Variants in TRIM56 observed in about 807,000 individuals in gnomAD.
TRIM56 encodes E3 ubiquitin-protein ligase TRIM56.
Under a neutral mutation model 17.1 loss-of-function variants are expected in TRIM56, and 10 were observed. The observed-to-expected ratio is 0.58, with a 90% CI of 0.36 to 0.99. The LOEUF is 0.99. TRIM56 is among the 50% of genes least tolerant of loss of function. The probability of loss-of-function intolerance (pLI) is 0.01; values close to 1 mark genes in which losing one functional copy is unlikely to be tolerated. For synonymous variants in TRIM56, 503 were observed against 473.5 expected, an observed-to-expected ratio of 1.06 and a Z score of -0.81; for missense variants, 923 against 1,052.3, an observed-to-expected ratio of 0.88 and a Z score of 1.70.
chr7:101,091,703 G>C lies in TRIM56; in HGVS notation c.*2123G>C, dbSNP rs908746556. On this transcript the variant is annotated 3_prime_UTR_variant, in exon 3 of 3. Transcript: ENST00000306085. ...GATCGCACCATTGCACTCCAGCCTG[G>C]GTAACAAGAATGAAACTCCATCTCA... is the stretch of plus-strand genomic sequence containing the variant. The C allele has an allele frequency of 4.5e-6, 2 of 448,654 alleles. No individual in the cohort carries two copies. Among genetic ancestry groups the C allele is most frequent in the African/African-American group, 4.1e-5 (2 of 48,888 alleles). The allele number at this position is 448,654 out of a possible 1,614,324, so 27.8% of individuals were successfully genotyped here.
In TRIM56 at chr7:101,087,648, CG is replaced by C. The variant is rs1562836586; in HGVS notation, c.342del (p.Pro115ArgfsTer80). The C allele has an allele frequency of 2.5e-6, 4 of 1,607,656 alleles. No individual in the cohort carries two copies. Among genetic ancestry groups the C allele is most frequent in the African/African-American group, 1.3e-5 (1 of 74,790 alleles). On this transcript the variant is annotated frameshift_variant, in exon 3 of 3. Coordinates refer to ENST00000306085, the MANE Select transcript of TRIM56 (RefSeq NM_030961.3). LOFTEE classifies it low-confidence loss of function (END_TRUNC). The stretch of plus-strand genomic sequence containing the variant: ...GTCCCCTGGTGGGTGGCACCAGCAC[CG>C]GGGGGCCGGCCACGGCCCGGTGCCT... ...LCPLVGGTST[G>X]GPATARCLDC...
chr7:101,094,496 TACTC>T lies in TRIM56; in HGVS notation c.*4918_*4921del, dbSNP rs1335226714. 1 of 152,194 alleles carries T rather than the reference TACTC, an allele frequency of 6.6e-6. No individual in the cohort carries two copies. Among genetic ancestry groups the T allele is most frequent in the Non-Finnish European group, 1.5e-5 (1 of 68,048 alleles). The allele number at this position is 152,194 out of a possible 1,614,324, so 9.4% of individuals were successfully genotyped here. A position where few individuals can be genotyped will look rare whatever the true frequency, so the allele number is the denominator to read the frequency against. ...CAAGGAAATACACCTTTATAAGTAA[TACTC>T]AATAACTACTGGGTTTGAGAATGAA... On this transcript the variant is annotated 3_prime_UTR_variant, in exon 3 of 3. Coordinates refer to ENST00000306085, the MANE Select transcript of TRIM56 (RefSeq NM_030961.3).
Position 101,087,662 on chromosome 7 carries a change from C to T in TRIM56, c.350C>T (p.Thr117Met), listed in dbSNP as rs1411521784. Residue 117 changes from threonine (T) to methionine (M), a missense_variant, in exon 3 of 3, where the codon ACG becomes ATG. Physicochemically the swap from Thr to Met is moderately conservative, Grantham distance 81. Coordinates refer to ENST00000306085, the MANE Select transcript of TRIM56 (RefSeq NM_030961.3). ...GGCACCAGCACCGGGGGGCCGGCCACGGCCCGGTGCCTGGACTGTGCCGAT... is the reference window on the plus strand; with the variant it reads ...GGCACCAGCACCGGGGGGCCGGCCATGGCCCGGTGCCTGGACTGTGCCGAT... ...VGGTSTGGPA[T>M]ARCLDCADDL... 4.4e-6 allele frequency: 7 copies of T among 1,603,144 alleles called. No individual in the cohort carries two copies. Among genetic ancestry groups the T allele is most frequent in the South Asian group, 2.2e-5 (2 of 89,652 alleles).
Position 101,093,217 on chromosome 7 carries a change from C to T in TRIM56, c.*3637C>T, listed in dbSNP as rs1247946806. 5.8e-6 allele frequency: 1 copy of T among 173,432 alleles called. No individual in the cohort carries two copies. The highest frequency in any genetic ancestry group is 1.2e-5 in the Non-Finnish European group (1 of 85,300). 10.7% of individuals were successfully genotyped at this position (173,432 alleles called of 1,614,324 possible). A position where few individuals can be genotyped will look rare whatever the true frequency, so the allele number is the denominator to read the frequency against. On this transcript the variant is annotated 3_prime_UTR_variant, in exon 3 of 3. Coordinates refer to ENST00000306085, the MANE Select transcript of TRIM56 (RefSeq NM_030961.3). Reference sequence around the variant, plus strand: ...ACACTGCGGAAGGCCGCAGGGTCGTCTGCCTAGGAAAACCAGAGACCTTTG... The same window carrying T: ...ACACTGCGGAAGGCCGCAGGGTCGTTTGCCTAGGAAAACCAGAGACCTTTG...
Position 101,087,878 on chromosome 7 carries a change from G to T in TRIM56, c.566G>T (p.Cys189Phe). 6.2e-7 allele frequency: 1 copy of T among 1,606,478 alleles called. No individual in the cohort carries two copies. The change falls in exon 3 of 3, where the codon TGC (cysteine) becomes TTC (phenylalanine). Residue 189 changes from cysteine (C) to phenylalanine (F), a missense_variant. By Grantham distance (205) the Cys-to-Phe change is radical (BLOSUM62 -2). Transcript: ENST00000306085. ...TGCCAGCCCTGCTCACAGTTGCTGT[G>T]CAGAGAGTGCCGCCTAGACCCCCAC... ...FLCQPCSQLL[C>F]RECRLDPHLD...
In TRIM56 at chr7:101,088,050, G is replaced by C; in HGVS notation, c.738G>C (p.Glu246Asp). The C allele has an allele frequency of 6.5e-7, 1 of 1,536,566 alleles. No individual in the cohort carries two copies. Among genetic ancestry groups the C allele is most frequent in the Non-Finnish European group, 8.7e-7 (1 of 1,144,814 alleles). ...VEKEALARLR[E>D]QAARVGTQVE... ...AGGAGGCGCTAGCCCGGCTGCGGGA[G>C]CAGGCGGCCCGGGTGGGGACTCAGG... Residue 246 changes from glutamate to aspartate, a missense_variant, in exon 3 of 3, where the codon GAG becomes GAC. Around this residue, in one of 3 missense-constraint regions of TRIM56, gnomAD observed 643 missense variants for 665.6 expected, o/e 0.97. Transcript: ENST00000306085.
Position 101,087,493 on chromosome 7 carries a change from G to A in TRIM56, c.181G>A (p.Glu61Lys), listed in dbSNP as rs756425998. 5.6e-6 allele frequency: 9 copies of A among 1,613,598 alleles called. 1 individual carries two copies. Among genetic ancestry groups the A allele is most frequent in the East Asian group, 2.2e-5 (1 of 44,868 alleles). Residue 61 changes from glutamate (E) to lysine (K), a missense_variant, in exon 3 of 3, where the codon GAG becomes AAG. Transcript: ENST00000306085. ...GGRVRCPECR[E>K]TVPVPPEGVA... is the part of the protein sequence containing the mutation. The stretch of plus-strand genomic sequence containing the variant: ...CCGCGTCCGCTGCCCCGAGTGCCGC[G>A]AGACAGTGCCTGTGCCGCCCGAGGG...
Position 101,088,728 on chromosome 7 carries a change from G to A in TRIM56, c.1416G>A (p.Arg472=). The A allele has an allele frequency of 6.2e-7, 1 of 1,614,024 alleles. No individual in the cohort carries two copies. The highest frequency in any genetic ancestry group is 8.5e-7 in the Non-Finnish European group (1 of 1,180,002). Residue 472 remains arginine (R), a synonymous_variant, in exon 3 of 3, where the codon CGG becomes CGA. Coordinates refer to ENST00000306085, the MANE Select transcript of TRIM56 (RefSeq NM_030961.3). ...AAGGCAGGCTCAAGTCAATTTCCCG[G>A]GAGCCCAGCCCAGCCCTGGGGCCGA... ...KFKGRLKSIS[R]EPSPALGPNL... is the part of the protein sequence containing the mutation.
Position 101,089,915 on chromosome 7 carries a change from C to T in TRIM56, c.*335C>T, listed in dbSNP as rs1795534382. On this transcript the variant is annotated 3_prime_UTR_variant, in exon 3 of 3. Transcript: ENST00000306085. ...AGGTTTGTGAGCCTGTCCTGCTTTG[C>T]ATTCTTCAAAACCATTCCTGATAGA... is the stretch of plus-strand genomic sequence containing the variant. The T allele has an allele frequency of 3.7e-6, 1 of 270,856 alleles. No individual in the cohort carries two copies. Among genetic ancestry groups the T allele is most frequent in the Admixed American group, 5.0e-5 (1 of 20,008 alleles). The allele number at this position is 270,856 out of a possible 1,614,324, so 16.8% of individuals were successfully genotyped here. A position where few individuals can be genotyped will look rare whatever the true frequency, so the allele number is the denominator to read the frequency against.
chr7:101,086,462 G>T (rs932557414), intron 1 of TRIM56, among the ~76,000 whole-genome samples: 1 of 151,298 alleles, frequency 6.6e-6, no homozygotes, highest in African/African-American at 2.4e-5. Flanking sequence ...TCGGGAGGCT[G>T]AGGCAGGAGA....
Position 101,089,624 on chromosome 7 carries a change from A to G in TRIM56, c.*44A>G, listed in dbSNP as rs1795529388. On this transcript the variant is annotated 3_prime_UTR_variant, in exon 3 of 3. Transcript: ENST00000306085. Reference sequence around the variant, plus strand: ...GAGAGGGAGTGGGGAGGGAGAGGGCAGGAAGGAGGCAGAGCTGTCCGTGGG... The same window carrying G: ...GAGAGGGAGTGGGGAGGGAGAGGGCGGGAAGGAGGCAGAGCTGTCCGTGGG... The G allele has an allele frequency of 6.4e-7, 1 of 1,555,124 alleles. No homozygotes were observed. The highest frequency in any genetic ancestry group is 1.4e-5 in the African/African-American group (1 of 73,882).
Position 101,089,686 on chromosome 7 carries a change from G to A in TRIM56, c.*106G>A. On this transcript the variant is annotated 3_prime_UTR_variant, in exon 3 of 3. Coordinates refer to ENST00000306085, the MANE Select transcript of TRIM56 (RefSeq NM_030961.3). ...GAGGACATTTTCCTGAAGGGCAGGG[G>A]TTGGCAACTTTTCAACATGGAGTGC... is the stretch of plus-strand genomic sequence containing the variant. The A allele has an allele frequency of 8.7e-7, 1 of 1,151,500 alleles. No individual in the cohort carries two copies. Among genetic ancestry groups the A allele is most frequent in the South Asian group, 1.6e-5 (1 of 61,500 alleles). 71.3% of individuals were successfully genotyped at this position (1,151,500 alleles called of 1,614,324 possible).
Position 101,087,459 on chromosome 7 carries a change from G to T in TRIM56, c.147G>T (p.Ala49=), listed in dbSNP as rs749040243. ...GCCAAGACTGCCTGGCACAGCTGGC[G>T]GATGGCGGCCGCGTCCGCTGCCCCG... ...TYCQDCLAQL[A]DGGRVRCPEC... Residue 49 remains alanine (A), a synonymous_variant, in exon 3 of 3, where the codon GCG becomes GCT. Transcript: ENST00000306085. 2 of 1,613,452 alleles carry T rather than the reference G, an allele frequency of 1.2e-6. No homozygotes were observed. The highest frequency in any genetic ancestry group is 1.3e-5 in the African/African-American group (1 of 75,072).
rs1197717971 is a variant in TRIM56 at position 101,096,476 on chromosome 7, C to A, written c.*6896C>A. ...GGTTGAGTGTTGGCTCTGCACTAAACAGCTGTGTGATCTTGGTCTAGTGCC... is the reference window on the plus strand; with the variant it reads ...GGTTGAGTGTTGGCTCTGCACTAAAAAGCTGTGTGATCTTGGTCTAGTGCC... On this transcript the variant is annotated 3_prime_UTR_variant, in exon 3 of 3. Coordinates refer to ENST00000306085, the MANE Select transcript of TRIM56 (RefSeq NM_030961.3). 6.6e-6 allele frequency: 1 copy of A among 152,174 alleles called. No individual in the cohort carries two copies. Among genetic ancestry groups the A allele is most frequent in the Non-Finnish European group, 1.5e-5 (1 of 68,052 alleles). 9.4% of individuals were successfully genotyped at this position (152,174 alleles called of 1,614,324 possible).
In TRIM56 at chr7:101,097,691, A is replaced by G. The variant is rs1428520461; in HGVS notation, c.*8111A>G. On this transcript the variant is annotated 3_prime_UTR_variant, in exon 3 of 3. Transcript: ENST00000306085. ...GGCAGCCTGACTTGTCTCCAGAGAA[A>G]GTTAGAACTGGTTGACTTAGCAACC... 1 of 152,106 alleles carries G rather than the reference A, an allele frequency of 6.6e-6. No individual in the cohort carries two copies. The highest frequency in any genetic ancestry group is 1.5e-5 in the Non-Finnish European group (1 of 68,034). 9.4% of individuals were successfully genotyped at this position (152,106 alleles called of 1,614,324 possible).
rs1449723759 is a variant in TRIM56, at chr7:101,088,519, G to A, written c.1207G>A (p.Glu403Lys). ...QSRREDEPKT[E>K]RQGGVQPQAG... is the part of the protein sequence containing the mutation. ...CCGGAGGGAGGATGAGCCGAAGACT[G>A]AGAGACAGGGTGGAGTCCAGCCCCA... Residue 403 changes from glutamate (E) to lysine (K), a missense_variant, in exon 3 of 3, where the codon GAG becomes AAG. Physicochemically the swap from Glu to Lys is moderately conservative, Grantham distance 56. Coordinates refer to ENST00000306085, the MANE Select transcript of TRIM56 (RefSeq NM_030961.3). The A allele has an allele frequency of 4.3e-6, 7 of 1,613,830 alleles. No individual in the cohort carries two copies. In the Admixed American group the frequency reaches 5.0e-5, roughly 12 times the overall value.
In TRIM56 at chr7:101,097,278, T is replaced by C. The variant is rs931195672; in HGVS notation, c.*7698T>C. ...CAGAGAACTAGGGCTATCCCATAAA[T>C]TAAGTGGGAGATTGGAAAGGGGTGC... is the stretch of plus-strand genomic sequence containing the variant. On this transcript the variant is annotated 3_prime_UTR_variant, in exon 3 of 3. Coordinates refer to ENST00000306085, the MANE Select transcript of TRIM56 (RefSeq NM_030961.3). 3 of 152,000 alleles carry C rather than the reference T, an allele frequency of 2.0e-5. No individual in the cohort carries two copies. Among genetic ancestry groups the C allele is most frequent in the Non-Finnish European group, 2.9e-5 (2 of 68,038 alleles). The allele number at this position is 152,000 out of a possible 1,614,324, so 9.4% of individuals were successfully genotyped here.
Position 101,087,940 on chromosome 7 carries a change from C to G in TRIM56, c.628C>G (p.Arg210Gly). 6.3e-7 allele frequency: 1 copy of G among 1,599,788 alleles called. No homozygotes were observed. ...CTGCCTGCCTCTGGCTGAAGCTGTG[C>G]GTGCCCGGAGGCCGGGCCTGGAGGG... ...HPCLPLAEAV[R>G]ARRPGLEGLL... The change falls in exon 3 of 3, where the codon CGT (arginine) becomes GGT (glycine). Residue 210 changes from arginine to glycine, a missense_variant. Physicochemically the swap from Arg to Gly is moderately radical, Grantham distance 125 (BLOSUM62 -2). Transcript: ENST00000306085.
Position 101,087,880 on chromosome 7 carries a change from A to G in TRIM56, c.568A>G (p.Arg190Gly). ...LCQPCSQLLC[R>G]ECRLDPHLDH... Reference sequence around the variant, plus strand: ...CCAGCCCTGCTCACAGTTGCTGTGCAGAGAGTGCCGCCTAGACCCCCACCT... The same window carrying G: ...CCAGCCCTGCTCACAGTTGCTGTGCGGAGAGTGCCGCCTAGACCCCCACCT... Residue 190 changes from arginine to glycine, a missense_variant, in exon 3 of 3, where the codon AGA becomes GGA. Arg to Gly is a moderately radical substitution (Grantham distance 125, BLOSUM62 -2). Around this residue, in one of 3 missense-constraint regions of TRIM56, gnomAD observed 643 missense variants for 665.6 expected, o/e 0.97. Transcript: ENST00000306085. 6.2e-7 allele frequency: 1 copy of G among 1,606,498 alleles called. No individual in the cohort carries two copies. Among genetic ancestry groups the G allele is most frequent in the African/African-American group, 1.3e-5 (1 of 74,972 alleles).
Sources: gnomAD v4.1 joint callset for allele counts (sites outside exome capture counted in the v4.1 genomes callset) on GRCh38, gnomAD v4.1.1 for gene constraint, gnomAD v4.1.1 regional missense constraint, MANE v1.5 for transcripts, NCBI Gene and HGNC (gene_info 2026-07-23, HGNC 2026-07-21) for gene names.